Variants in MAF observed in about 807,000 individuals in gnomAD.
MAF encodes transcription factor Maf.
In MAF, 10 loss-of-function variants were observed where a neutral mutation model predicts 22.0. The ratio of observed to expected loss-of-function variants is 0.45; its 90% CI spans 0.28 to 0.77. The LOEUF (loss-of-function observed/expected upper bound fraction) is 0.77. Ranked by LOEUF, MAF falls within the 30% of genes least tolerant of loss-of-function variation. The pLI is 0.12. For missense variants in MAF, 544 were observed against 548.4 expected (o/e 0.99, Z 0.08); for synonymous variants, 337 against 255.8 (o/e 1.32, Z -3.03).
the MAF span, among the ~76,000 whole-genome samples, chr16:79,511,359 GAGAA>G: frequency 6.6e-6 from 1 of 152,164 alleles, no homozygotes; most frequent in Non-Finnish European, 1.5e-5. Context: ...TTAAGAGAGA[GAGAA>G]AGAGAGAGAG....
the MAF span, among the ~76,000 whole-genome samples, chr16:79,360,226 T>G: frequency 6.6e-6 from 1 of 152,192 alleles, no homozygotes; most frequent in African/African-American, 2.4e-5. Context: ...CTCCCCATCT[T>G]TTTGAACCCC....
the MAF span, among the ~76,000 whole-genome samples, chr16:79,525,155 G>C: frequency 6.6e-6 from 1 of 151,908 alleles, no homozygotes; most frequent in East Asian, 1.9e-4. Flanking sequence ...ACAAAGCCCC[G>C]GATTTCATCG....
At chr16:79,510,896 A>G in the MAF span, among the ~76,000 whole-genome samples, 80 of 152,326 alleles carry the variant, frequency 5.3e-4, no homozygotes, top group African/African-American at 1.9e-3. Flanking sequence ...GTTGGGACAG[A>G]GAGGGATTCT....
the MAF span, among the ~76,000 whole-genome samples, chr16:79,469,942 T>A: frequency 6.6e-6 from 1 of 152,198 alleles, no homozygotes; most frequent in Non-Finnish European, 1.5e-5. Context: ...CAGGGCACAT[T>A]TTGTTCCCAT....
chr16:79,321,853 C>A, the MAF span, among the ~76,000 whole-genome samples: 4 of 151,906 alleles, frequency 2.6e-5, no homozygotes, highest in African/African-American at 9.7e-5. Flanking sequence ...CCGTGCCCGG[C>A]TGACAGGGTG....
chr16:79,252,858 G>A, the MAF span, among the ~76,000 whole-genome samples: 1 of 152,152 alleles, frequency 6.6e-6, no homozygotes, highest in Non-Finnish European at 1.5e-5. Context: ...AAGTCCTCAA[G>A]CCTCAGTTCC....
the MAF span, among the ~76,000 whole-genome samples, chr16:79,561,113 A>G: frequency 1.3e-4 from 20 of 152,238 alleles, no homozygotes; most frequent in South Asian, 6.2e-4. Context: ...CAAATTCCAC[A>G]TGTGATGAAA....
the MAF span, among the ~76,000 whole-genome samples, chr16:79,348,622 A>C: frequency 2.6e-5 from 4 of 152,224 alleles, no homozygotes; most frequent in Non-Finnish European, 5.9e-5. Context: ...CCGTATCATC[A>C]TATCAGGCCA....
the MAF span, among the ~76,000 whole-genome samples, chr16:79,550,406 G>A: frequency 6.6e-6 from 1 of 152,038 alleles, no homozygotes; most frequent in Non-Finnish European, 1.5e-5. Context: ...GGTCCACCAT[G>A]AGTTGCAAAA....
the MAF span, among the ~76,000 whole-genome samples, chr16:79,423,048 G>A: frequency 4.6e-5 from 7 of 152,146 alleles, no homozygotes; most frequent in African/African-American, 1.7e-4. Context: ...GAAGCAGCCA[G>A]CCAGGTAAAG....
At chr16:79,209,747 C>G in the MAF span, among the ~76,000 whole-genome samples, 1 of 152,188 alleles carries the variant, frequency 6.6e-6, no homozygotes, top group Non-Finnish European at 1.5e-5. Context: ...TCCAATTTGT[C>G]TTTAGAGGCA....
At chr16:79,574,289 CT>C in the MAF span, among the ~76,000 whole-genome samples, 1 of 152,192 alleles carries the variant, frequency 6.6e-6, no homozygotes, top group Admixed American at 6.5e-5. Context: ...AGTCCTGTTT[CT>C]ACTTTAGCCC....
At chr16:79,284,940 A>C in the MAF span, among the ~76,000 whole-genome samples, 2 of 152,204 alleles carry the variant, frequency 1.3e-5, no homozygotes, top group Non-Finnish European at 2.9e-5. Context: ...CCACGAAGGC[A>C]CGCGGCTCTC....
At chr16:79,586,376 C>A (rs1912842242) in intron 1 of MAF, among the ~76,000 whole-genome samples, 1 of 151,908 alleles carries the variant, frequency 6.6e-6, no homozygotes. Context: ...CCAGCTTCTG[C>A]CGGTGTGTGC....
the MAF span, among the ~76,000 whole-genome samples, chr16:79,491,443 C>A: frequency 6.6e-6 from 1 of 152,180 alleles, no homozygotes; most frequent in Non-Finnish European, 1.5e-5. Context: ...ACACAAGAAA[C>A]AGGCAGAGAG....
chr16:79,500,027 A>T, the MAF span, among the ~76,000 whole-genome samples: 1 of 152,192 alleles, frequency 6.6e-6, no homozygotes, highest in Non-Finnish European at 1.5e-5. Flanking sequence ...GTAGAGAGAG[A>T]TGCAGCAGCA....
the MAF span, among the ~76,000 whole-genome samples, chr16:79,485,286 G>C: frequency 4.5e-3 from 691 of 152,260 alleles, 9 homozygotes; most frequent in African/African-American, 0.016. Context: ...TGCCTCATAG[G>C]GTTGTTTGAG....
the MAF span, chr16:79,203,367 G>A: frequency 1.3e-5 from 2 of 152,166 alleles, no homozygotes; most frequent in South Asian, 2.1e-4. Context: ...TTGAAATAGC[G>A]GGGCTGGACA....
At chr16:79,325,049 G>A in the MAF span, among the ~76,000 whole-genome samples, 1 of 152,062 alleles carries the variant, frequency 6.6e-6, no homozygotes, top group Non-Finnish European at 1.5e-5. Flanking sequence ...CTCTTATAAA[G>A]ACTGTTTTTC....
Sources: allele counts gnomAD v4.1 joint callset (sites outside exome capture counted in the v4.1 genomes callset), GRCh38; gene constraint gnomAD v4.1.1; transcripts MANE v1.5; gene names NCBI Gene and HGNC (gene_info 2026-07-23, HGNC 2026-07-21).